DLGAP1: variants seen among roughly 807,000 people sequenced by gnomAD.
The protein encoded by DLGAP1 is disks large-associated protein 1.
A neutral mutation model predicts 90.8 loss-of-function variants in DLGAP1; 11 were observed. That is an observed-to-expected ratio of 0.12 (90% CI 0.08 to 0.20). The LOEUF (loss-of-function observed/expected upper bound fraction) is 0.20. Ranked by LOEUF, DLGAP1 falls within the 10% of genes least tolerant of loss-of-function variation. DLGAP1 has a pLI of 1.00. For synonymous variants in DLGAP1, 558 were observed against 540.7 expected, an observed-to-expected ratio of 1.03 and a Z score of -0.44; for missense variants, 1,050 against 1,333.8, an observed-to-expected ratio of 0.79 and a Z score of 3.31.
intron 1 of DLGAP1, among the ~76,000 whole-genome samples, chr18:4,179,552 A>G (rs1224756678): frequency 2.0e-5 from 3 of 152,192 alleles, no homozygotes; most frequent in Non-Finnish European, 2.9e-5. Context: ...TACTATCATC[A>G]TTCTATGAGA....
intron 7 of DLGAP1, among the ~76,000 whole-genome samples, chr18:3,610,419 T>C (rs1385825295): frequency 6.6e-6 from 1 of 152,220 alleles, no homozygotes; most frequent in Non-Finnish European, 1.5e-5. Context: ...CTGTTCTCTC[T>C]GAGGACTGCT....
rs140250387 is a variant in DLGAP1 at position 3,534,426 on chromosome 18, A to G, written c.2247T>C (p.His749=). 2,108 of 1,614,056 alleles carry G rather than the reference A, an allele frequency of 1.3e-3. 2 individuals are homozygous for G. The highest frequency in any genetic ancestry group is 1.7e-3 in the Non-Finnish European group (2,009 of 1,180,034). Residue 749 remains histidine, a synonymous_variant, in exon 10 of 13, where the codon CAT becomes CAC. Transcript: ENST00000315677. ...CAAAGTCATCATCGGCGGCACAGGCATGGTAATGGTTTCCTGAGCCCTGAA... is the reference window on the plus strand; with the variant it reads ...CAAAGTCATCATCGGCGGCACAGGCGTGGTAATGGTTTCCTGAGCCCTGAA... ...VSIQGSGNHY[H]ACAADDDFDT...
At chr18:4,016,987 T>C (rs1471549580) in intron 2 of DLGAP1, among the ~76,000 whole-genome samples, 1 of 152,178 alleles carries the variant, frequency 6.6e-6, no homozygotes, top group African/African-American at 2.4e-5. Context: ...TTCCCTCCCT[T>C]CACCTTTCAG....
chr18:4,257,973 ATGTGTG>A (rs10625642), intron 1 of DLGAP1, among the ~76,000 whole-genome samples: 87 of 141,358 alleles, frequency 6.2e-4, no homozygotes, highest in Middle Eastern at 3.7e-3. Flanking sequence ...AGTTATACAT[ATGTGTG>A]TGTGTGTGTG....
intron 1 of DLGAP1, among the ~76,000 whole-genome samples, chr18:4,270,991 T>C (rs2079265758): frequency 6.6e-6 from 1 of 152,206 alleles, no homozygotes; most frequent in Admixed American, 6.5e-5. Context: ...TGGATTATTT[T>C]CCAAAGCTTA....
intron 3 of DLGAP1, among the ~76,000 whole-genome samples, chr18:3,980,308 G>T (rs62083618): frequency 0.44 from 67,301 of 151,852 alleles, 15,215 homozygotes; most frequent in African/African-American, 0.5. Context: ...TGGCTGGGTG[G>T]AGGCGGCAGG....
chr18:4,388,386 G>A (rs2082277512), intron 1 of DLGAP1, among the ~76,000 whole-genome samples: 1 of 152,096 alleles, frequency 6.6e-6, no homozygotes, highest in Non-Finnish European at 1.5e-5. Flanking sequence ...GTAGGAGGTA[G>A]ATGGATATGC....
At chr18:4,282,360 T>A (rs1191279564) in intron 1 of DLGAP1, among the ~76,000 whole-genome samples, 1 of 112,970 alleles carries the variant, frequency 8.9e-6, no homozygotes, top group African/African-American at 6.0e-5. Flanking sequence ...CGAGACTCTG[T>A]CTCAAAAAAA....
At chr18:3,617,053 C>T (rs747979633) in intron 7 of DLGAP1, among the ~76,000 whole-genome samples, 5 of 152,136 alleles carry the variant, frequency 3.3e-5, no homozygotes, top group Non-Finnish European at 7.3e-5. Flanking sequence ...TTGCTCCAGC[C>T]CTCACCTGGA....
intron 9 of DLGAP1, among the ~76,000 whole-genome samples, chr18:3,547,516 A>C (rs1476069281): frequency 2.0e-5 from 3 of 152,038 alleles, no homozygotes; most frequent in African/African-American, 7.3e-5. Context: ...ATGAAAAGAC[A>C]ATCAACATCA....
At position 4,082,958 on chromosome 18, in the gene DLGAP1, G is replaced by C. The variant is rs560768475; in HGVS notation, c.-159+68222C>G. ...AAATCCTTAACAATTTTTGAGTAAG[G>C]GTCCCCGCCTTTTCATTTTGCACGG... On this transcript the variant is annotated intron_variant, in intron 2 of 12. Coordinates refer to ENST00000315677, the MANE Select transcript of DLGAP1 (RefSeq NM_004746.4). Among the ~76,000 whole-genome samples the C allele has an allele frequency of 5.3e-5, 8 of 152,060 alleles. 1 individual carries two copies. The East Asian group carries it at 1.5e-3, about 29-fold the overall frequency.
chr18:4,303,979 T>C (rs2080189499), intron 1 of DLGAP1, among the ~76,000 whole-genome samples: 1 of 152,232 alleles, frequency 6.6e-6, no homozygotes, highest in South Asian at 2.1e-4. Flanking sequence ...CATGTGTTAT[T>C]CCTAAGCAAA....
chr18:3,530,929 A>T (rs1257506129), intron 10 of DLGAP1, among the ~76,000 whole-genome samples: 1 of 152,184 alleles, frequency 6.6e-6, no homozygotes, highest in African/African-American at 2.4e-5. Context: ...CAGTCATTTG[A>T]CAGGGGTCAG....
intron 2 of DLGAP1, among the ~76,000 whole-genome samples, chr18:4,028,593 T>C (rs1314791694): frequency 6.6e-6 from 1 of 152,164 alleles, no homozygotes; most frequent in East Asian, 1.9e-4. Flanking sequence ...TAAATATATA[T>C]AAATATGTCA....
Position 4,256,984 on chromosome 18 carries a change from G to GTGAGTCA in DLGAP1, c.-266-105698_-266-105697insTGACTCA, listed in dbSNP as rs532627525. On this transcript the variant is annotated intron_variant, in intron 1 of 12. Transcript: ENST00000315677. ...TCAACACTCACACAGTGTGACTCTG[G>GTGAGTCA]CATAGATTCTGGCTGAGACGAACAG... 1.7e-4 allele frequency among the ~76,000 whole-genome samples: 26 copies of GTGAGTCA among 152,268 alleles called. No homozygotes were observed. The South Asian group carries it at 5.4e-3, about 32-fold the overall frequency.
intron 10 of DLGAP1, among the ~76,000 whole-genome samples, chr18:3,522,884 T>G (rs1010982547): frequency 6.6e-6 from 1 of 151,990 alleles, no homozygotes; most frequent in Non-Finnish European, 1.5e-5. Flanking sequence ...GAGGATACAA[T>G]GGGAAAAGGA....
At chr18:3,927,347 C>T (rs1050686713) in intron 3 of DLGAP1, among the ~76,000 whole-genome samples, 4 of 152,162 alleles carry the variant, frequency 2.6e-5, no homozygotes, top group African/African-American at 4.8e-5. Context: ...GAGAGAAAGA[C>T]GTCTAAATTA....
chr18:3,803,121 C>G (rs907619180), intron 5 of DLGAP1, among the ~76,000 whole-genome samples: 1 of 152,128 alleles, frequency 6.6e-6, no homozygotes, highest in African/African-American at 2.4e-5. Context: ...CAATATCAGG[C>G]TCCCAGGATG....
intron 5 of DLGAP1, among the ~76,000 whole-genome samples, chr18:3,758,773 C>T (rs2063823842): frequency 6.6e-6 from 1 of 152,168 alleles, no homozygotes; most frequent in Admixed American, 6.5e-5. Flanking sequence ...CCAGCATAAG[C>T]GTCACGCATA....
Sources: allele counts gnomAD v4.1 joint callset (sites outside exome capture counted in the v4.1 genomes callset), GRCh38; gene constraint gnomAD v4.1.1; transcripts MANE v1.5; gene names NCBI Gene and HGNC (gene_info 2026-07-23, HGNC 2026-07-21).